The following AFAP1L2 variants were observed in gnomAD, a reference collection of about 807,000 sequenced individuals.
The protein encoded by AFAP1L2 is actin filament associated protein 1 like 2.
AFAP1L2 carries 46 observed loss-of-function variants against 99.3 expected under a neutral mutation model. The ratio of observed to expected loss-of-function variants is 0.46; its 90% confidence interval spans 0.37 to 0.59. The LOEUF is 0.59. Among genes scored for constraint, AFAP1L2 ranks in the 20% least tolerant of loss-of-function variants. The pLI is 0.00. For synonymous variants in AFAP1L2, 397 were observed against 419.1 expected, an observed-to-expected ratio of 0.95 and a Z score of 0.64; for missense variants, 959 against 1,034.9, an observed-to-expected ratio of 0.93 and a Z score of 1.01.
At chr10:114,362,068 G>T (rs2052510170) in intron 1 of AFAP1L2, among the ~76,000 whole-genome samples, 1 of 152,204 alleles carries the variant, frequency 6.6e-6, no homozygotes, top group Non-Finnish European at 1.5e-5. Context: ...ACTAACAAGT[G>T]CTGTGAACTT....
chr10:114,300,468 A>G lies in AFAP1L2; in HGVS notation c.1765T>C (p.Cys589Arg), dbSNP rs2040950061. 8.1e-6 allele frequency: 13 copies of G among 1,613,448 alleles called. No homozygotes were observed. Among genetic ancestry groups the G allele is most frequent in the Non-Finnish European group, 1.1e-5 (13 of 1,179,500 alleles). The change falls in exon 14 of 19, where the codon TGT becomes CGT. Residue 589 changes from cysteine (C) to arginine (R), a missense_variant. Cys to Arg is a radical substitution (Grantham distance 180). Transcript: ENST00000304129. Reference sequence around the variant, plus strand: ...ACCTGTTCTCCCAGGTTCTCTGGACACTTTATGCAGGGCTCATCTGGGGTG... The same window carrying G: ...ACCTGTTCTCCCAGGTTCTCTGGACGCTTTATGCAGGGCTCATCTGGGGTG... ...GPTPDEPCIK[C>R]PENLGEQQLE...
intron 1 of AFAP1L2, among the ~76,000 whole-genome samples, chr10:114,369,613 A>AAAC (rs1554946170): frequency 9.9e-5 from 15 of 151,094 alleles, no homozygotes; most frequent in African/African-American, 3.2e-4. Context: ...AAAAAAAAAA[A>AAAC]AACTTTTTAT....
chr10:114,299,322 C>T lies in AFAP1L2; in HGVS notation c.2051G>A (p.Gly684Glu), dbSNP rs1264970099. 6.2e-7 allele frequency: 1 copy of T among 1,614,230 alleles called. No homozygotes were observed. Among genetic ancestry groups the T allele is most frequent in the Non-Finnish European group, 8.5e-7 (1 of 1,180,040 alleles). Residue 684 changes from glycine to glutamate, a missense_variant, in exon 16 of 19, where the codon GGG becomes GAG. Gly to Glu is a moderately conservative substitution (Grantham distance 98, BLOSUM62 -2). This residue lies in a region of AFAP1L2 where 576 missense variants were observed against 562.1 expected (regional missense o/e 1.02). Coordinates refer to ENST00000304129, the MANE Select transcript of AFAP1L2 (RefSeq NM_001001936.3). ...CTCTTTCCGGAGCTGAGCCAGGTGC[C>T]CCCGGATTTCTTCCTTCTTCTTTTC... The part of the protein sequence containing the change: ...RLEKKKEEIR[G>E]HLAQLRKEKR...
Position 114,308,437 on chromosome 10 carries a change from T to C in AFAP1L2, c.963A>G (p.Lys321=). 1.2e-6 allele frequency: 2 copies of C among 1,613,844 alleles called. No homozygotes were observed. The highest frequency in any genetic ancestry group is 1.7e-6 in the Non-Finnish European group (2 of 1,179,734). ...CTCCCAACCACATGATGTTACCGTC[T>C]TTGGTTTCTGGGACCTCAGGGTGGC... ...VDGHPEVPET[K]DVKKKCSAGL... Residue 321 remains lysine, a synonymous_variant, in exon 9 of 19, where the codon AAA becomes AAG. Transcript: ENST00000304129.
rs192569198 is a variant in AFAP1L2, at chr10:114,377,703, T to C, written c.16+26737A>G. 4.2e-3 allele frequency among the ~76,000 whole-genome samples: 639 copies of C among 152,326 alleles called. 4 individuals carry two copies. The highest frequency in any genetic ancestry group is 0.014 in the African/African-American group (596 of 41,568). ...CTTCAAGATACAAAAATGAGCAAGA[T>C]GCATTTCTGCCCTCAAATGCCTTAA... On this transcript the variant is annotated intron_variant, in intron 1 of 18. Coordinates refer to ENST00000304129, the MANE Select transcript of AFAP1L2 (RefSeq NM_001001936.3). This position sits in a 1 kb window ranked among gnomAD's most constrained non-coding sequence, Gnocchi z 4.0.
chr10:114,404,513 G>A, upstream of AFAP1L2: 4 of 1,509,982 alleles, frequency 2.6e-6, no homozygotes, highest in Non-Finnish European at 3.5e-6. Flanking sequence ...CCCGGCGCTC[G>A]GCTCAGCGCC....
rs530182174 is a variant in AFAP1L2 at position 114,305,117 on chromosome 10, CTGCAGGAGGGGACGCAGA to C, written c.1073-205_1073-188del. 1,892 of 544,108 alleles carry C rather than the reference CTGCAGGAGGGGACGCAGA, an allele frequency of 3.5e-3. 44 individuals are homozygous for C. The African/African-American group carries it at 0.04, about 12-fold the overall frequency. 33.7% of individuals were successfully genotyped at this position (544,108 alleles called of 1,614,324 possible). A position where few individuals can be genotyped will look rare whatever the true frequency, so the allele number is the denominator to read the frequency against. ...GACGCAGATGCAGGAGGGGACCGGG[CTGCAGGAGGGGACGCAGA>C]TGCAGGAGGGGACTGGGCTGCAGGA... On this transcript the variant is annotated intron_variant, in intron 10 of 18. Coordinates refer to ENST00000304129, the MANE Select transcript of AFAP1L2 (RefSeq NM_001001936.3).
intron 13 of AFAP1L2, 61 bp downstream of exon 13, chr10:114,301,293 G>A (rs2041138007): frequency 7.3e-7 from 1 of 1,368,460 alleles, no homozygotes; most frequent in Non-Finnish European, 1.0e-6. Context: ...GCATCCAGGT[G>A]TTGAGGTTGG....
In AFAP1L2 at chr10:114,329,104, G is replaced by A. The variant is rs560742788; in HGVS notation, c.315+2699C>T. Reference sequence around the variant, plus strand: ...TACCACTTGGCTGAAAGGCCTCCTTGGGATCGTGCCATTCCTGGGTGCTGA... The same window carrying A: ...TACCACTTGGCTGAAAGGCCTCCTTAGGATCGTGCCATTCCTGGGTGCTGA... On this transcript the variant is annotated intron_variant, in intron 4 of 18. Coordinates refer to ENST00000304129, the MANE Select transcript of AFAP1L2 (RefSeq NM_001001936.3). Among the ~76,000 whole-genome samples the A allele has an allele frequency of 3.1e-4, 47 of 152,268 alleles. No homozygotes were observed. The South Asian group carries it at 8.9e-3, about 29-fold the overall frequency.
At chr10:114,392,513 C>T (rs1252088913) in intron 1 of AFAP1L2, among the ~76,000 whole-genome samples, 1 of 152,220 alleles carries the variant, frequency 6.6e-6, no homozygotes, top group Non-Finnish European at 1.5e-5. Context: ...CCCTCCTTCA[C>T]CTCAGTTCTC....
chr10:114,291,098 T>G, downstream of AFAP1L2: 1 of 1,191,880 alleles, frequency 8.4e-7, no homozygotes, highest in African/African-American at 1.5e-5. Context: ...TGGCATCTTC[T>G]GCTGGGGGCG....
intron 1 of AFAP1L2, among the ~76,000 whole-genome samples, chr10:114,347,522 C>G (rs1489218870): frequency 6.6e-6 from 1 of 152,114 alleles, no homozygotes; most frequent in Non-Finnish European, 1.5e-5. Context: ...GTCATCCAGG[C>G]TGGAGTGCAG....
downstream of AFAP1L2, chr10:114,290,369 A>G: frequency 6.4e-7 from 1 of 1,550,464 alleles, no homozygotes; most frequent in Non-Finnish European, 8.7e-7. Flanking sequence ...GAGAACCGTG[A>G]GTGGAGCTCT....
chr10:114,365,616 C>A (rs150703758), intron 1 of AFAP1L2, among the ~76,000 whole-genome samples: 2 of 152,226 alleles, frequency 1.3e-5, no homozygotes, highest in East Asian at 3.9e-4. Context: ...ATGGCCCCTA[C>A]AAATGCCTTT....
At chr10:114,384,426 T>C (rs559054589) in intron 1 of AFAP1L2, among the ~76,000 whole-genome samples, 1 of 151,960 alleles carries the variant, frequency 6.6e-6, no homozygotes, top group South Asian at 2.1e-4. Flanking sequence ...AAGCCTCCAT[T>C]TAGGGCCGCT....
chr10:114,334,381 C>T (rs576991886), intron 2 of AFAP1L2, among the ~76,000 whole-genome samples: 54 of 152,340 alleles, frequency 3.5e-4, no homozygotes, highest in African/African-American at 1.2e-3. Context: ...ATTTGCATTT[C>T]CTAGAAACTT....
At chr10:114,357,371 C>CA (rs547076615) in intron 1 of AFAP1L2, among the ~76,000 whole-genome samples, 211 of 152,280 alleles carry the variant, frequency 1.4e-3, no homozygotes, top group African/African-American at 4.7e-3. Context: ...GCAACACCCA[C>CA]ACACACTCAT....
intron 8 of AFAP1L2, among the ~76,000 whole-genome samples, chr10:114,309,040 G>A (rs1306874725): frequency 6.6e-6 from 1 of 152,196 alleles, no homozygotes; most frequent in African/African-American, 2.4e-5. Context: ...GACTCAAGAT[G>A]ATCCCTAGAA....
At chr10:114,340,168 C>CA (rs1186470457) in intron 2 of AFAP1L2, among the ~76,000 whole-genome samples, 217 of 66,116 alleles carry the variant, frequency 3.3e-3, no homozygotes, top group African/African-American at 9.9e-3. Context: ...CCCATCTCTA[C>CA]AAAAAAAAAA....
Sources: gnomAD v4.1 joint callset for allele counts (sites outside exome capture counted in the v4.1 genomes callset) on GRCh38, gnomAD v4.1.1 for gene constraint, gnomAD v4.1.1 regional missense constraint, Gnocchi (gnomAD v3.1) non-coding constraint, MANE v1.5 for transcripts, NCBI Gene and HGNC (gene_info 2026-07-23, HGNC 2026-07-21) for gene names.